The following TLN2 variants were observed in gnomAD, a reference collection of about 807,000 sequenced individuals.
TLN2 encodes talin-2.
Under a neutral mutation model 294.7 loss-of-function variants are expected in TLN2, and 118 were observed. The observed-to-expected ratio is 0.40, with a 90% confidence interval of 0.34 to 0.47. The LOEUF (loss-of-function observed/expected upper bound fraction) is 0.47. Among genes scored for constraint, TLN2 ranks in the 20% least tolerant of loss-of-function variants. The pLI is 0.84. For missense variants in TLN2, 3,083 were observed against 3,282.2 expected (o/e 0.94, Z 1.48); for synonymous variants, 1,431 against 1,304.5 (o/e 1.10, Z -2.09).
intron 1 of TLN2, among the ~76,000 whole-genome samples, chr15:62,556,841 G>T (rs776448095): frequency 6.6e-6 from 1 of 152,116 alleles, no homozygotes; most frequent in African/African-American, 2.4e-5. Flanking sequence ...CTCACCATTT[G>T]TTTTCTCATT....
chr15:62,461,017 C>T (rs893595497), intron 1 of TLN2, among the ~76,000 whole-genome samples: 1 of 152,138 alleles, frequency 6.6e-6, no homozygotes. Context: ...GGCGCAATCT[C>T]AGCTCACTGC....
chr15:62,721,463 G>A (rs1216559177), intron 25 of TLN2, among the ~76,000 whole-genome samples: 2 of 152,080 alleles, frequency 1.3e-5, no homozygotes, highest in East Asian at 3.9e-4. Flanking sequence ...GCAAAATTAT[G>A]TTTGTGCTTT....
chr15:62,677,420 C>T (rs756399818), intron 11 of TLN2, among the ~76,000 whole-genome samples: 3 of 152,118 alleles, frequency 2.0e-5, no homozygotes, highest in Non-Finnish European at 4.4e-5. Context: ...GCATGTAGGT[C>T]AGTAAATTTA....
At chr15:62,456,943 G>A (rs2036516466) in intron 1 of TLN2, among the ~76,000 whole-genome samples, 1 of 152,080 alleles carries the variant, frequency 6.6e-6, no homozygotes, top group Admixed American at 6.5e-5. Flanking sequence ...ATTCAGGGTG[G>A]GGGAGAATTT....
intron 1 of TLN2, among the ~76,000 whole-genome samples, chr15:62,499,286 CA>C (rs1567033558): frequency 1.3e-5 from 2 of 151,936 alleles, no homozygotes; most frequent in Admixed American, 6.6e-5. Flanking sequence ...CCGTGTCTAC[CA>C]AAAAATACGA....
At chr15:62,682,214 C>T (rs1185006005) in intron 11 of TLN2, among the ~76,000 whole-genome samples, 1 of 152,222 alleles carries the variant, frequency 6.6e-6, no homozygotes, top group Non-Finnish European at 1.5e-5. Flanking sequence ...AAATGAATGG[C>T]ATGGTTATGT....
chr15:62,838,782 A>ACCTTCATGTCTATTCTTG (rs1285587424), intron 57 of TLN2, 74 bp from the exon 58 acceptor site: 2 of 1,568,592 alleles, frequency 1.3e-6, no homozygotes, highest in Non-Finnish European at 1.7e-6. Flanking sequence ...CACAAACTGT[A>ACCTTCATGTCTATTCTTG]CCTTCATGTC....
At chr15:62,804,360 G>A (rs1254962732) in intron 50 of TLN2, among the ~76,000 whole-genome samples, 2 of 152,188 alleles carry the variant, frequency 1.3e-5, no homozygotes, top group Non-Finnish European at 2.9e-5. Flanking sequence ...CACTTTAGGA[G>A]GCTGAGGCAG....
At chr15:62,723,829 C>T (rs761291687) in intron 26 of TLN2, among the ~76,000 whole-genome samples, 84 of 151,616 alleles carry the variant, frequency 5.5e-4, no homozygotes, top group South Asian at 1.1e-3. Context: ...GGATTACAGG[C>T]GTGAGCCACT....
At chr15:62,623,916 A>C (rs1465194144) in intron 3 of TLN2, among the ~76,000 whole-genome samples, 1 of 152,176 alleles carries the variant, frequency 6.6e-6, no homozygotes, top group Non-Finnish European at 1.5e-5. Flanking sequence ...TGCTGATGTC[A>C]CATCTGCCTT....
At chr15:62,829,057 G>A (rs2068497044) in intron 54 of TLN2, 1 of 151,842 alleles carries the variant, frequency 6.6e-6, no homozygotes, top group African/African-American at 2.4e-5. Flanking sequence ...ATCCTCAGGT[G>A]ATTCTGCAGT....
At chr15:62,587,190 G>A (rs1371769653) in intron 1 of TLN2, among the ~76,000 whole-genome samples, 1 of 152,230 alleles carries the variant, frequency 6.6e-6, no homozygotes, top group Admixed American at 6.5e-5. Flanking sequence ...ATGTGTGCAC[G>A]AATGTCAGTA....
intron 1 of TLN2, among the ~76,000 whole-genome samples, chr15:62,529,019 A>G (rs1448683975): frequency 6.6e-6 from 1 of 152,064 alleles, no homozygotes; most frequent in South Asian, 2.1e-4. Context: ...GAGTCTCTTC[A>G]TATAAAGCTT....
intron 1 of TLN2, among the ~76,000 whole-genome samples, chr15:62,396,254 C>A (rs1455496705): frequency 6.6e-6 from 1 of 152,208 alleles, no homozygotes; most frequent in Non-Finnish European, 1.5e-5. Context: ...AATTAACTTT[C>A]TCCATGTACG....
chr15:62,721,133 T>C (rs568728308), intron 25 of TLN2, among the ~76,000 whole-genome samples: 1 of 152,312 alleles, frequency 6.6e-6, no homozygotes, highest in South Asian at 2.1e-4. Flanking sequence ...TTTGCTAGTA[T>C]AGATACTCAG....
intron 28 of TLN2, among the ~76,000 whole-genome samples, chr15:62,730,616 T>A (rs2060671355): frequency 6.6e-6 from 1 of 152,248 alleles, no homozygotes; most frequent in Non-Finnish European, 1.5e-5. Context: ...GTGGATAATA[T>A]CACTTACACA....
At chr15:62,708,865 A>G in intron 21 of TLN2, 69 bp downstream of exon 21, 4 of 1,503,722 alleles carry the variant, frequency 2.7e-6, no homozygotes, top group East Asian at 4.7e-5. Flanking sequence ...GCTAACCCAT[A>G]GGGAAGGTGA....
intron 41 of TLN2, among the ~76,000 whole-genome samples, chr15:62,769,417 G>T (rs2063212053): frequency 6.6e-6 from 1 of 152,166 alleles, no homozygotes; most frequent in Non-Finnish European, 1.5e-5. Context: ...TTCAGCCCAT[G>T]CTCTGCCCTG....
intron 11 of TLN2, among the ~76,000 whole-genome samples, chr15:62,683,741 C>T (rs2141034326): frequency 6.6e-6 from 1 of 152,286 alleles, no homozygotes; most frequent in South Asian, 2.1e-4. Context: ...GATGGGTCTT[C>T]ACTGGTGCCT....
Sources: gnomAD v4.1 joint callset for allele counts (sites outside exome capture counted in the v4.1 genomes callset) on GRCh38, gnomAD v4.1.1 for gene constraint, MANE v1.5 for transcripts, NCBI Gene and HGNC (gene_info 2026-07-23, HGNC 2026-07-21) for gene names.